Variants in MAP3K15 observed in about 807,000 individuals in gnomAD.
The protein encoded by MAP3K15 is mitogen-activated protein kinase kinase kinase 15.
MAP3K15 carries 124 observed loss-of-function variants against 99.5 expected under a neutral mutation model. The observed-to-expected ratio is 1.25, with a 90% CI of 1.08 to 1.45. The LOEUF (loss-of-function observed/expected upper bound fraction) is 1.45. Among genes scored for constraint, MAP3K15 ranks in the 40% most tolerant of loss-of-function variants. The probability of loss-of-function intolerance (pLI) is 0.00; values close to 1 mark genes in which losing one functional copy is unlikely to be tolerated. For synonymous variants in MAP3K15, 494 were observed against 439.6 expected (o/e 1.12, Z -1.55); for missense variants, 1,242 against 1,079.7 (o/e 1.15, Z -2.11).
At chrX:19,453,319 G>A (rs994614589) in intron 6 of MAP3K15, among the ~76,000 whole-genome samples, 3 of 109,574 alleles carry the variant, frequency 2.7e-5, no homozygotes, top group Non-Finnish European at 5.7e-5. Context: ...TGGCCAACAC[G>A]GTGAAACCTC....
chrX:19,450,676 C>T (rs1283891878), intron 6 of MAP3K15, among the ~76,000 whole-genome samples: 2 of 108,573 alleles, frequency 1.8e-5, no homozygotes, highest in South Asian at 4.1e-4. Context: ...TTACACACAG[C>T]CCTTCTACTG....
intron 5 of MAP3K15, among the ~76,000 whole-genome samples, chrX:19,459,297 A>T: frequency 8.9e-6 from 1 of 112,134 alleles, no homozygotes; most frequent in Non-Finnish European, 1.9e-5. Context: ...GTGGATAATC[A>T]GAGTACACAT....
At chrX:19,467,777 C>G (rs1163147523) in intron 3 of MAP3K15, among the ~76,000 whole-genome samples, 2 of 102,057 alleles carry the variant, frequency 2.0e-5, no homozygotes, top group Admixed American at 1.1e-4. Flanking sequence ...TGCAGTGAAC[C>G]GAGATCGTAC....
rs2063534853 is a variant in MAP3K15 at position 19,392,469 on chromosome X, G to A, written c.2199C>T (p.Ser733=). ...ATTTGGATCGCAGAAGAGCAGAAAGGCTTCCTAGAGACAGTCACAGCAAAA... is the reference window on the plus strand; with the variant it reads ...ATTTGGATCGCAGAAGAGCAGAAAGACTTCCTAGAGACAGTCACAGCAAAA... The part of the protein sequence containing the change: ...KIFMEQVPGG[S]LSALLRSKWG... The change falls in exon 17 of 29, where the codon AGC becomes AGT. Residue 733 remains serine, a synonymous_variant. Coordinates refer to ENST00000338883, the MANE Select transcript of MAP3K15 (RefSeq NM_001001671.4). The A allele has an allele frequency of 1.7e-6, 2 of 1,202,093 alleles. No individual in the cohort carries two copies. The highest frequency in any genetic ancestry group is 1.8e-5 in the South Asian group (1 of 55,024).
chrX:19,438,167 T>C (rs1393204568), intron 6 of MAP3K15, among the ~76,000 whole-genome samples: 1 of 111,785 alleles, frequency 8.9e-6, no homozygotes, highest in Non-Finnish European at 1.9e-5. Flanking sequence ...ATGCACTGAG[T>C]GGTGTGATCA....
intron 6 of MAP3K15, among the ~76,000 whole-genome samples, chrX:19,451,209 C>T (rs1230926863): frequency 2.0e-5 from 2 of 101,035 alleles, no homozygotes; most frequent in Admixed American, 1.1e-4. Context: ...TGCTTGAACC[C>T]GGGAGGTGGA....
Position 19,391,987 on chromosome X carries a change from CT to C in MAP3K15, c.2431+14del. On this transcript the variant is annotated intron_variant, in intron 18 of 28. Transcript: ENST00000338883. ...TCTGGGATGGGCACCCTGTGCCAAG[CT>C]TTGGTCCACTTACCAGTAAAAGTCT... is the stretch of plus-strand genomic sequence containing the variant. 8.6e-7 allele frequency: 1 copy of C among 1,167,187 alleles called. No homozygotes were observed. Among genetic ancestry groups the C allele is most frequent in the Non-Finnish European group, 1.2e-6 (1 of 856,090 alleles).
At chrX:19,425,758 G>A in intron 8 of MAP3K15, 68 bp from the exon 9 acceptor site, 2 of 1,015,164 alleles carry the variant, frequency 2.0e-6, no homozygotes, top group Non-Finnish European at 2.6e-6. Context: ...AGGATAAGCA[G>A]GTATTTTATT....
chrX:19,411,696 C>T (rs981857957), intron 11 of MAP3K15, among the ~76,000 whole-genome samples: 2 of 109,188 alleles, frequency 1.8e-5, no homozygotes, highest in African/African-American at 6.7e-5. Context: ...AAGGAAGCCA[C>T]GTGGATGCCT....
At chrX:19,507,852 T>C (rs1247034737) in intron 1 of MAP3K15, among the ~76,000 whole-genome samples, 2 of 110,912 alleles carry the variant, frequency 1.8e-5, no homozygotes, top group Non-Finnish European at 3.8e-5. Flanking sequence ...GTTCTGGAGA[T>C]GCATATTGGT....
intron 19 of MAP3K15, among the ~76,000 whole-genome samples, chrX:19,378,834 A>C (rs1035624811): frequency 4.5e-5 from 5 of 111,420 alleles, no homozygotes; most frequent in African/African-American, 1.6e-4. Flanking sequence ...CCCCACCCGC[A>C]ATGCTCAATC....
rs771265515 is a variant in MAP3K15, at chrX:19,371,081, TAATAA to T, written c.3295-22_3295-18del. 35 of 946,755 alleles carry T rather than the reference TAATAA, an allele frequency of 3.7e-5. No individual in the cohort carries two copies. Among genetic ancestry groups the T allele is most frequent in the African/African-American group, 3.1e-4 (14 of 45,896 alleles). The allele number at this position is 946,755 out of a possible 1,213,427, so 78.0% of individuals were successfully genotyped here. ...TTTATTTACCTAAAAAAAAAAAAAA[TAATAA>T]AATAAACTAAAATCACAAAAATCCA... On this transcript the variant is annotated intron_variant, in intron 23 of 28. Coordinates refer to ENST00000338883, the MANE Select transcript of MAP3K15 (RefSeq NM_001001671.4).
In MAP3K15 at chrX:19,487,064, G is replaced by A. The variant is rs1024181899; in HGVS notation, c.502-559C>T. Among the ~76,000 whole-genome samples, 7 of 95,525 alleles carry A rather than the reference G, an allele frequency of 7.3e-5. No homozygotes were observed. The Admixed American group carries it at 8.0e-4, about 11-fold the overall frequency. The allele number at this position is 95,525 out of a possible 115,157, so 83.0% of individuals were successfully genotyped here. A position where few individuals can be genotyped will look rare whatever the true frequency, so the allele number is the denominator to read the frequency against. On this transcript the variant is annotated intron_variant, in intron 2 of 28. Coordinates refer to ENST00000338883, the MANE Select transcript of MAP3K15 (RefSeq NM_001001671.4). ...AATTCAATGACAACAATTCTAGTCA[G>A]TAAATTTAGTATGATAATTAGGCAG...
intron 18 of MAP3K15, among the ~76,000 whole-genome samples, chrX:19,385,503 A>T (rs1409552190): frequency 9.0e-6 from 1 of 111,341 alleles, no homozygotes; most frequent in Admixed American, 9.6e-5. Context: ...CAAGGGTGTG[A>T]CTATCAGGAG....
rs373441676 is a variant in MAP3K15, at chrX:19,464,195, G to A, written c.719+18C>T. The A allele has an allele frequency of 5.1e-6, 6 of 1,174,360 alleles. No individual in the cohort carries two copies. In the African/African-American group the frequency reaches 1.1e-4, roughly 21 times the overall value. On this transcript the variant is annotated intron_variant, in intron 4 of 28. Coordinates refer to ENST00000338883, the MANE Select transcript of MAP3K15 (RefSeq NM_001001671.4). ...CTTGGTGAGTCTCCAGGGGTTACTG[G>A]TGGCAGATGGGAATTACCATGAGGT...
At chrX:19,451,799 C>G (rs1439402853) in intron 6 of MAP3K15, among the ~76,000 whole-genome samples, 2 of 109,975 alleles carry the variant, frequency 1.8e-5, no homozygotes, top group Non-Finnish European at 3.8e-5. Context: ...CATGGTGGTT[C>G]ATGCCTGTAA....
At chrX:19,415,004 T>C in intron 10 of MAP3K15, 103 bp downstream of exon 10, 3 of 719,621 alleles carry the variant, frequency 4.2e-6, no homozygotes, top group Non-Finnish European at 3.9e-6. Flanking sequence ...ACATTTAAAA[T>C]TACTCTACAG....
At chrX:19,427,692 A>G (rs960132075) in intron 7 of MAP3K15, among the ~76,000 whole-genome samples, 14 of 112,035 alleles carry the variant, frequency 1.2e-4, no homozygotes, top group African/African-American at 4.5e-4. Flanking sequence ...AAGTAATGAC[A>G]CAAATGTCTT....
intron 9 of MAP3K15, among the ~76,000 whole-genome samples, chrX:19,424,255 C>T (rs12387149): frequency 3.8e-5 from 4 of 104,813 alleles, no homozygotes; most frequent in Non-Finnish European, 7.7e-5. Context: ...CATATATATA[C>T]ACATATATAT....
Sources: allele counts gnomAD v4.1 joint callset (sites outside exome capture counted in the v4.1 genomes callset), GRCh38; gene constraint gnomAD v4.1.1; transcripts MANE v1.5; gene names NCBI Gene and HGNC (gene_info 2026-07-23, HGNC 2026-07-21).